The following RAB27B variants were observed in gnomAD, a reference collection of about 807,000 sequenced individuals.
RAB27B encodes RAB27B, member RAS oncogene family.
Under a neutral mutation model 24.6 loss-of-function variants are expected in RAB27B, and 15 were observed. That is an observed-to-expected ratio of 0.61 (90% confidence interval 0.41 to 0.94). The LOEUF (loss-of-function observed/expected upper bound fraction) is 0.94, where lower values mean the gene tolerates loss of function less well. RAB27B is among the 40% of genes least tolerant of loss of function. The pLI, the probability that RAB27B is intolerant of heterozygous loss-of-function variation, is 0.00. For synonymous variants in RAB27B, 105 were observed against 92.5 expected (o/e 1.14, Z -0.78); for missense variants, 261 against 266.8 (o/e 0.98, Z 0.15).
Position 54,884,389 on chromosome 18 carries a change from T to G in RAB27B, c.296T>G (p.Phe99Cys). 6.2e-7 allele frequency: 1 copy of G among 1,612,982 alleles called. No individual in the cohort carries two copies. Among genetic ancestry groups the G allele is most frequent in the Non-Finnish European group, 8.5e-7 (1 of 1,179,150 alleles). ...FRDAMGFLLM[F>C]DLTSQQSFLN... ...GACGCCATGGGCTTCTTATTAATGT[T>G]TGACCTCACCAGTCAACAGAGCTTC... Residue 99 changes from phenylalanine to cysteine, a missense_variant, in exon 4 of 6, where the codon TTT becomes TGT. Coordinates refer to ENST00000262094, the MANE Select transcript of RAB27B (RefSeq NM_004163.4).
chr18:54,731,603 C>T, intron 2 of RAB27B, among the ~76,000 whole-genome samples: 1 of 152,112 alleles, frequency 6.6e-6, no homozygotes, highest in Non-Finnish European at 1.5e-5. Flanking sequence ...GCCTGTAATC[C>T]CAGCTACTCA....
At position 54,822,966 on chromosome 18, in the gene RAB27B, A is replaced by G. The variant is rs144580824; in HGVS notation, c.-19-54601A>G. On this transcript the variant is annotated intron_variant, in intron 2 of 4. Transcript: ENST00000586570. Reference sequence around the variant, plus strand: ...TTACAATAATCTCAAATGAGGTCCAAGTATATCTTCATTACACATTCTAAG... The same window carrying G: ...TTACAATAATCTCAAATGAGGTCCAGGTATATCTTCATTACACATTCTAAG... 1.3e-3 allele frequency among the ~76,000 whole-genome samples: 201 copies of G among 152,362 alleles called. 5 individuals are homozygous for G. The South Asian group carries it at 0.035, about 27-fold the overall frequency.
intron 2 of RAB27B, among the ~76,000 whole-genome samples, chr18:54,803,860 C>A (rs1909685927): frequency 6.6e-6 from 1 of 152,070 alleles, no homozygotes; most frequent in African/African-American, 2.4e-5. Flanking sequence ...ATAGGAGAAT[C>A]AATAGTTCTG....
At chr18:54,741,585 T>C (rs1256106377) in intron 2 of RAB27B, among the ~76,000 whole-genome samples, 2 of 152,084 alleles carry the variant, frequency 1.3e-5, no homozygotes, top group African/African-American at 4.8e-5. Flanking sequence ...CCTCTGACTC[T>C]TGGGCTCAAG....
intron 2 of RAB27B, among the ~76,000 whole-genome samples, chr18:54,719,213 T>C (rs1598855056): frequency 6.6e-6 from 1 of 152,136 alleles, no homozygotes; most frequent in East Asian, 1.9e-4. Flanking sequence ...TTCAAAAAAG[T>C]ATATGTTTAA....
chr18:54,781,174 A>G (rs1354677876), intron 2 of RAB27B, among the ~76,000 whole-genome samples: 1 of 152,078 alleles, frequency 6.6e-6, no homozygotes, highest in Admixed American at 6.5e-5. Context: ...AGAAATACTC[A>G]GCCACTCCAT....
chr18:54,806,327 G>A (rs1265628790), intron 2 of RAB27B, among the ~76,000 whole-genome samples: 1 of 151,190 alleles, frequency 6.6e-6, no homozygotes, highest in Non-Finnish European at 1.5e-5. Flanking sequence ...ATGACATGGA[G>A]CTCTATGGTG....
At chr18:54,802,815 T>TCAACG (rs1311928550) in intron 2 of RAB27B, among the ~76,000 whole-genome samples, 1 of 152,182 alleles carries the variant, frequency 6.6e-6, no homozygotes, top group Non-Finnish European at 1.5e-5. Flanking sequence ...GGTAAGCTCT[T>TCAACG]CAACGTAGCA....
chr18:54,877,601 T>C lies in RAB27B; in HGVS notation c.16T>C (p.Tyr6His), dbSNP rs1912755159. 1 of 1,567,398 alleles carries C rather than the reference T, an allele frequency of 6.4e-7. No individual in the cohort carries two copies. The highest frequency in any genetic ancestry group is 8.6e-7 in the Non-Finnish European group (1 of 1,165,570). MTDGD[Y>H]DYLIKLLALG... ...GACCATCACTATGACCGATGGAGAC[T>C]ATGATTATCTGATCAAACTCCTGGC... is the stretch of plus-strand genomic sequence containing the variant. Residue 6 changes from tyrosine (Y) to histidine (H), a missense_variant, in exon 2 of 6, where the codon TAT becomes CAT. By Grantham distance (83) the Tyr-to-His change is moderately conservative. Coordinates refer to ENST00000262094, the MANE Select transcript of RAB27B (RefSeq NM_004163.4).
intron 2 of RAB27B, among the ~76,000 whole-genome samples, chr18:54,807,135 G>A (rs1181246855): frequency 6.6e-6 from 1 of 152,198 alleles, no homozygotes; most frequent in African/African-American, 2.4e-5. Flanking sequence ...TCTTGACCTT[G>A]TGATCTGCCG....
intron 2 of RAB27B, among the ~76,000 whole-genome samples, chr18:54,758,129 G>C (rs116584023): frequency 6.6e-6 from 1 of 151,918 alleles, no homozygotes; most frequent in Non-Finnish European, 1.5e-5. Context: ...ACAATGTGTT[G>C]CCCTCTGTTA....
At chr18:54,785,370 G>A (rs1909050221) in intron 2 of RAB27B, among the ~76,000 whole-genome samples, 2 of 151,516 alleles carry the variant, frequency 1.3e-5, no homozygotes, top group Admixed American at 1.3e-4. Flanking sequence ...CCAAAGTGCT[G>A]GGATTACAGG....
chr18:54,807,839 AAAG>A (rs780215832), intron 2 of RAB27B, among the ~76,000 whole-genome samples: 38 of 152,308 alleles, frequency 2.5e-4, no homozygotes, highest in African/African-American at 8.9e-4. Context: ...CTAGAAGAAA[AAAG>A]CAGTTCCATA....
chr18:54,873,070 C>T (rs564248015), intron 1 of RAB27B, among the ~76,000 whole-genome samples: 58 of 152,180 alleles, frequency 3.8e-4, no homozygotes, highest in Non-Finnish European at 6.6e-4. Context: ...GATAAAATTC[C>T]CTTTCCATAT....
At position 54,733,659 on chromosome 18, in the gene RAB27B, C is replaced by G. The variant is rs564303877; in HGVS notation, c.-20+15518C>G. On this transcript the variant is annotated intron_variant, in intron 2 of 4. Transcript: ENST00000586570. Reference sequence around the variant, plus strand: ...AATCTTCTGTTCTAGAGCCCCCCCCCCCCAAATTTGCTAAGCTCCTTGGCC... The same window carrying G: ...AATCTTCTGTTCTAGAGCCCCCCCCGCCCAAATTTGCTAAGCTCCTTGGCC... Among the ~76,000 whole-genome samples, 107 of 138,336 alleles carry G rather than the reference C, an allele frequency of 7.7e-4. 4 individuals carry two copies. Among genetic ancestry groups the G allele is most frequent in the African/African-American group, 2.2e-3 (82 of 38,084 alleles). 90.8% of individuals were successfully genotyped at this position (138,336 alleles called of 152,430 possible).
At chr18:54,868,344 C>T (rs562771974) in intron 1 of RAB27B, among the ~76,000 whole-genome samples, 1 of 152,144 alleles carries the variant, frequency 6.6e-6, no homozygotes, top group Non-Finnish European at 1.5e-5. Context: ...TTTTGCCTTC[C>T]ACTATGATTG....
chr18:54,840,722 G>A (rs1680847067), intron 1 of RAB27B, among the ~76,000 whole-genome samples: 2 of 152,172 alleles, frequency 1.3e-5, no homozygotes, highest in African/African-American at 2.4e-5. Flanking sequence ...CTCCTGTAGA[G>A]TTTCTAAGTC....
chr18:54,876,233 A>G (rs1262276943), intron 1 of RAB27B, among the ~76,000 whole-genome samples: 2 of 152,184 alleles, frequency 1.3e-5, no homozygotes, highest in African/African-American at 4.8e-5. Context: ...AACCACCCCC[A>G]TGATTCAATT....
intron 2 of RAB27B, among the ~76,000 whole-genome samples, chr18:54,755,702 C>T (rs898624071): frequency 3.3e-5 from 5 of 152,172 alleles, no homozygotes; most frequent in African/African-American, 1.2e-4. Flanking sequence ...CATCTGACAC[C>T]AGATCTCCAT....
Sources: gnomAD v4.1 joint callset for allele counts (sites outside exome capture counted in the v4.1 genomes callset) on GRCh38, gnomAD v4.1.1 for gene constraint, MANE v1.5 for transcripts, NCBI Gene and HGNC (gene_info 2026-07-23, HGNC 2026-07-21) for gene names.